CFAP54: variants seen among roughly 807,000 people sequenced by gnomAD.
CFAP54 encodes cilia- and flagella-associated protein 54.
In CFAP54, 290 loss-of-function variants were observed where a neutral mutation model predicts 370.4. That is an observed-to-expected ratio of 0.78 (90% CI 0.71 to 0.86). The LOEUF (loss-of-function observed/expected upper bound fraction) is 0.86. CFAP54 is among the 40% of genes least tolerant of loss of function. The pLI is 0.00. For missense variants in CFAP54, 3,399 were observed against 3,528.7 expected, an observed-to-expected ratio of 0.96 and a Z score of 0.93; for synonymous variants, 1,206 against 1,236.5, an observed-to-expected ratio of 0.98 and a Z score of 0.52.
chr12:96,829,251 TA>T (rs1171990264), intron 66 of CFAP54, among the ~76,000 whole-genome samples, 163 bp downstream of exon 66: 1 of 152,214 alleles, frequency 6.6e-6, no homozygotes, highest in Admixed American at 6.5e-5. Flanking sequence ...TTATTTTGGT[TA>T]AAAAAATTAT....
intron 26 of CFAP54, among the ~76,000 whole-genome samples, chr12:96,604,694 T>C (rs2136448236): frequency 6.6e-6 from 1 of 152,320 alleles, no homozygotes; most frequent in African/African-American, 2.4e-5. Context: ...TGGATGTCCT[T>C]CTGCCTGCCA....
At chr12:96,873,371 G>A (rs766738311) in intron 67 of CFAP54, among the ~76,000 whole-genome samples, 1 of 152,152 alleles carries the variant, frequency 6.6e-6, no homozygotes, top group Non-Finnish European at 1.5e-5. Flanking sequence ...CTTTAACTGG[G>A]TCATACACTA....
intron 66 of CFAP54, among the ~76,000 whole-genome samples, chr12:96,835,566 C>T (rs1013755927): frequency 2.0e-5 from 3 of 152,116 alleles, no homozygotes; most frequent in Admixed American, 6.5e-5. Flanking sequence ...GGCTTGGCCC[C>T]GACTTTGCTC....
intron 8 of CFAP54, among the ~76,000 whole-genome samples, chr12:96,524,928 G>A (rs977325318): frequency 6.6e-6 from 1 of 151,792 alleles, no homozygotes; most frequent in Non-Finnish European, 1.5e-5. Context: ...GCTATTATAA[G>A]TATTGACATC....
At chr12:96,674,617 A>G (rs1957183343) in intron 39 of CFAP54, among the ~76,000 whole-genome samples, 1 of 152,174 alleles carries the variant, frequency 6.6e-6, no homozygotes, top group Non-Finnish European at 1.5e-5. Context: ...AAGGGGAGAA[A>G]AAGAAAGTGA....
At chr12:96,513,294 CAGAT>C (rs1565880432) in intron 5 of CFAP54, among the ~76,000 whole-genome samples, 1 of 152,174 alleles carries the variant, frequency 6.6e-6, no homozygotes, top group East Asian at 1.9e-4. Context: ...CTCTGTCTCT[CAGAT>C]AGTCATGCTT....
At chr12:96,619,927 C>T (rs1410045726) in intron 26 of CFAP54, among the ~76,000 whole-genome samples, 4 of 152,052 alleles carry the variant, frequency 2.6e-5, no homozygotes, top group Admixed American at 6.6e-5. Flanking sequence ...TTATTTTGGC[C>T]GGACATGGTG....
At chr12:96,612,009 G>A (rs1018684639) in intron 26 of CFAP54, among the ~76,000 whole-genome samples, 4 of 152,136 alleles carry the variant, frequency 2.6e-5, no homozygotes, top group African/African-American at 7.2e-5. Flanking sequence ...ACCTAGCAAG[G>A]CAGGCCAGCA....
intron 33 of CFAP54, among the ~76,000 whole-genome samples, chr12:96,644,686 C>T (rs1423016699): frequency 1.3e-5 from 2 of 152,098 alleles, no homozygotes; most frequent in Non-Finnish European, 2.9e-5. Flanking sequence ...TCCTTCTACA[C>T]ATGGTGGCAG....
intron 48 of CFAP54, among the ~76,000 whole-genome samples, chr12:96,716,905 TATG>T (rs1957687969): frequency 6.6e-6 from 1 of 152,168 alleles, no homozygotes; most frequent in African/African-American, 2.4e-5. Context: ...AGATCCTAGA[TATG>T]GTGTTATTTT....
chr12:96,577,149 G>A (rs1955986784), intron 20 of CFAP54, among the ~76,000 whole-genome samples: 1 of 152,198 alleles, frequency 6.6e-6, no homozygotes, highest in Admixed American at 6.5e-5. Flanking sequence ...GCCAGTGATG[G>A]TATGAGGCAG....
chr12:96,818,753 A>G (rs1387097603), intron 65 of CFAP54, among the ~76,000 whole-genome samples: 1 of 152,356 alleles, frequency 6.6e-6, no homozygotes, highest in African/African-American at 2.4e-5. Flanking sequence ...AAGATAGCCC[A>G]GAAGGGGTTG....
At chr12:96,721,919 G>T (rs1377434417) in intron 50 of CFAP54, among the ~76,000 whole-genome samples, 1 of 152,176 alleles carries the variant, frequency 6.6e-6, no homozygotes, top group Non-Finnish European at 1.5e-5. Context: ...AGGGGGACGA[G>T]TTACCATTTT....
intron 15 of CFAP54, among the ~76,000 whole-genome samples, chr12:96,552,826 C>G (rs764243186): frequency 1.3e-5 from 2 of 152,186 alleles, no homozygotes; most frequent in Non-Finnish European, 2.9e-5. Flanking sequence ...GGGGGGAAAC[C>G]TGGAACTATA....
At chr12:96,595,351 C>T (rs1956167362) in intron 25 of CFAP54, among the ~76,000 whole-genome samples, 1 of 152,076 alleles carries the variant, frequency 6.6e-6, no homozygotes, top group Admixed American at 6.6e-5. Context: ...AGGGCATGTA[C>T]ACCAGGGGGA....
At chr12:96,669,520 A>T (rs1957120440) in intron 39 of CFAP54, among the ~76,000 whole-genome samples, 1 of 152,164 alleles carries the variant, frequency 6.6e-6, no homozygotes, top group South Asian at 2.1e-4. Flanking sequence ...GAGGGGACAG[A>T]TGTGAAGGAG....
chr12:96,740,021 T>C lies in CFAP54; in HGVS notation c.7031T>C (p.Val2344Ala), dbSNP rs568390889. ...TCAAAACTTTTTGAAAAGAAGGTAG[T>C]ACAGGATGACACAGAGAATCCTGTC... ...QDSKLFEKKVVQDDTENPVSP... is the reference protein window; with the variant it reads ...QDSKLFEKKVAQDDTENPVSP... The change falls in exon 51 of 68, where the codon GTA becomes GCA. Residue 2344 changes from valine (V) to alanine (A), a missense_variant. This residue lies in a region of CFAP54 where 2,796 missense variants were observed against 2,869.7 expected (regional missense o/e 0.97). Transcript: ENST00000524981. 4 of 1,607,736 alleles carry C rather than the reference T, an allele frequency of 2.5e-6. No individual in the cohort carries two copies. The highest frequency in any genetic ancestry group is 3.4e-6 in the Non-Finnish European group (4 of 1,175,562).
At chr12:96,784,652 A>G (rs1958611974) in intron 60 of CFAP54, 65 bp from the exon 61 acceptor site, 2 of 1,190,842 alleles carry the variant, frequency 1.7e-6, no homozygotes, top group Non-Finnish European at 1.1e-6. Context: ...TTTTCTGTTC[A>G]TGATTGTTTT....
At chr12:96,825,514 A>G (rs865846721) in intron 65 of CFAP54, among the ~76,000 whole-genome samples, 1 of 117,804 alleles carries the variant, frequency 8.5e-6, no homozygotes, top group South Asian at 2.4e-4. Context: ...TATATATTAT[A>G]TAACATATTA....
Sources: gnomAD v4.1 joint callset for allele counts (sites outside exome capture counted in the v4.1 genomes callset) on GRCh38, gnomAD v4.1.1 for gene constraint, gnomAD v4.1.1 regional missense constraint, MANE v1.5 for transcripts, NCBI Gene and HGNC (gene_info 2026-07-23, HGNC 2026-07-21) for gene names.